Variants in ERBB4 observed in about 807,000 individuals in gnomAD.
The protein encoded by ERBB4 is erb-b2 receptor tyrosine kinase 4.
A neutral mutation model predicts 158.0 loss-of-function variants in ERBB4; 42 were observed. That is an observed-to-expected ratio of 0.27 (90% confidence interval 0.21 to 0.34). ERBB4 has a LOEUF of 0.34. ERBB4 is among the 10% of genes least tolerant of loss of function. The pLI is 1.00. For missense variants in ERBB4, 1,333 were observed against 1,624.1 expected (o/e 0.82, Z 3.08); for synonymous variants, 583 against 558.7 (o/e 1.04, Z -0.61).
At chr2:211,680,535 G>T (rs2072290935) in intron 12 of ERBB4, among the ~76,000 whole-genome samples, 1 of 152,152 alleles carries the variant, frequency 6.6e-6, no homozygotes, top group African/African-American at 2.4e-5. Flanking sequence ...GGTTGGGATG[G>T]CACTGAATAT....
At chr2:211,617,876 T>G (rs1219527473) in intron 19 of ERBB4, among the ~76,000 whole-genome samples, 10 of 152,090 alleles carry the variant, frequency 6.6e-5, no homozygotes, top group Admixed American at 6.6e-4. Context: ...CAAGACATTA[T>G]GCTAAAAGAT....
chr2:212,491,594 T>C (rs1690281944), intron 1 of ERBB4, among the ~76,000 whole-genome samples: 1 of 151,614 alleles, frequency 6.6e-6, no homozygotes, highest in African/African-American at 2.4e-5. Context: ...AACATTTAAA[T>C]TTCTCTACAG....
At chr2:212,072,834 T>G (rs2078163529) in intron 2 of ERBB4, among the ~76,000 whole-genome samples, 1 of 151,940 alleles carries the variant, frequency 6.6e-6, no homozygotes, top group Admixed American at 6.6e-5. Context: ...TTGAGATTAT[T>G]AGGAGAAATG....
intron 1 of ERBB4, among the ~76,000 whole-genome samples, chr2:212,510,176 C>G (rs1257107229): frequency 7.2e-6 from 1 of 139,330 alleles, no homozygotes; most frequent in Non-Finnish European, 1.5e-5. Flanking sequence ...ATATAAAAGC[C>G]TAAAAACACC....
intron 1 of ERBB4, among the ~76,000 whole-genome samples, chr2:212,133,505 C>T (rs1003921693): frequency 6.6e-6 from 1 of 150,756 alleles, no homozygotes; most frequent in African/African-American, 2.4e-5. Flanking sequence ...AGAATGCAAG[C>T]CTCATAAGAG....
At chr2:211,476,172 CAG>C (rs1347152044) in intron 20 of ERBB4, among the ~76,000 whole-genome samples, 1 of 151,942 alleles carries the variant, frequency 6.6e-6, no homozygotes, top group African/African-American at 2.4e-5. Flanking sequence ...CATTTTAAGA[CAG>C]AGGGGAAAAC....
In ERBB4 at chr2:211,549,742, A is replaced by G. The variant is rs1423410063; in HGVS notation, c.2487+12161T>C. Reference sequence around the variant, plus strand: ...TGTGTCAAATAAAATAGAGAGGAAGACAATTATTTGGAAGCTAGATAATTG... The same window carrying G: ...TGTGTCAAATAAAATAGAGAGGAAGGCAATTATTTGGAAGCTAGATAATTG... On this transcript the variant is annotated intron_variant, in intron 20 of 27. Coordinates refer to ENST00000342788, the MANE Select transcript of ERBB4 (RefSeq NM_005235.3). Among the ~76,000 whole-genome samples, 4 of 152,170 alleles carry G rather than the reference A, an allele frequency of 2.6e-5. No individual in the cohort carries two copies. The East Asian group carries it at 5.8e-4, about 22-fold the overall frequency.
At chr2:212,271,038 G>A (rs933363071) in intron 1 of ERBB4, among the ~76,000 whole-genome samples, 1 of 151,746 alleles carries the variant, frequency 6.6e-6, no homozygotes, top group Non-Finnish European at 1.5e-5. Flanking sequence ...CTGCTATGTA[G>A]TAATTGATAA....
chr2:211,390,085 A>T lies in ERBB4; in HGVS notation c.3136-2093T>A, dbSNP rs1266478412. Among the ~76,000 whole-genome samples the T allele has an allele frequency of 4.6e-5, 7 of 152,328 alleles. No homozygotes were observed. In the East Asian group the frequency reaches 1.4e-3, roughly 29 times the overall value. ...TTTTTATACTCCAGTGATTTGTAAT[A>T]TAGAGTGATAGTACAGGAAATATGG... On this transcript the variant is annotated intron_variant, in intron 25 of 27. Transcript: ENST00000342788.
chr2:212,340,860 G>A (rs1161138113), intron 1 of ERBB4, among the ~76,000 whole-genome samples: 1 of 152,062 alleles, frequency 6.6e-6, no homozygotes, highest in Non-Finnish European at 1.5e-5. Flanking sequence ...TTGTCTATTC[G>A]ATGCTACTAG....
intron 2 of ERBB4, among the ~76,000 whole-genome samples, chr2:212,077,305 A>G (rs1455917826): frequency 6.6e-6 from 1 of 151,964 alleles, no homozygotes; most frequent in Non-Finnish European, 1.5e-5. Flanking sequence ...AGACTTATAC[A>G]CCGTAAGATA....
intron 1 of ERBB4, among the ~76,000 whole-genome samples, chr2:212,303,959 TA>T (rs1026104949): frequency 6.6e-5 from 10 of 151,586 alleles, no homozygotes; most frequent in African/African-American, 2.4e-4. Flanking sequence ...AAAAAATAGA[TA>T]ACTTTCCTAA....
chr2:212,518,286 T>G (rs889967672), intron 1 of ERBB4, among the ~76,000 whole-genome samples: 19 of 152,168 alleles, frequency 1.2e-4, no homozygotes, highest in Middle Eastern at 3.4e-3. Context: ...ATAATTCTAA[T>G]AATTGTCTCT....
intron 20 of ERBB4, among the ~76,000 whole-genome samples, chr2:211,543,587 AT>A (rs565078485): frequency 1.3e-5 from 2 of 151,680 alleles, no homozygotes; most frequent in Non-Finnish European, 2.9e-5. Context: ...CTTTTGTGGC[AT>A]TTTTTTTAAA....
intron 2 of ERBB4, among the ~76,000 whole-genome samples, chr2:212,105,374 T>G (rs538279790): frequency 6.6e-6 from 1 of 152,200 alleles, no homozygotes; most frequent in African/African-American, 2.4e-5. Flanking sequence ...CTTTTCCTTA[T>G]GATTATATAA....
At chr2:212,393,512 A>T (rs2090939531) in intron 1 of ERBB4, among the ~76,000 whole-genome samples, 1 of 152,066 alleles carries the variant, frequency 6.6e-6, no homozygotes, top group Non-Finnish European at 1.5e-5. Context: ...GCTACACACA[A>T]TCAGACACTC....
At position 211,415,847 on chromosome 2, in the gene ERBB4, A is replaced by G. The variant is rs79224814; in HGVS notation, c.3135+4594T>C. On this transcript the variant is annotated intron_variant, in intron 25 of 27. Transcript: ENST00000342788. ...ACATTTTATTTTTCAGTTTATTTAT[A>G]TATCTATTCTGGGAGAAAGCGTGTA... Among the ~76,000 whole-genome samples the G allele has an allele frequency of 9.4e-3, 1,427 of 152,298 alleles. 14 individuals are homozygous for G. The highest frequency in any genetic ancestry group is 0.025 in the African/African-American group (1,028 of 41,574).
At chr2:211,478,639 T>C (rs905668237) in intron 20 of ERBB4, among the ~76,000 whole-genome samples, 2 of 151,876 alleles carry the variant, frequency 1.3e-5, no homozygotes, top group African/African-American at 4.9e-5. Flanking sequence ...AAACACCACT[T>C]GAATCTACTC....
intron 16 of ERBB4, among the ~76,000 whole-genome samples, chr2:211,641,809 T>C (rs1241805960): frequency 6.6e-6 from 1 of 152,082 alleles, no homozygotes; most frequent in Non-Finnish European, 1.5e-5. Flanking sequence ...TTGTTTTTAG[T>C]ACTTATGTGT....
Sources: gnomAD v4.1 joint callset for allele counts (sites outside exome capture counted in the v4.1 genomes callset) on GRCh38, gnomAD v4.1.1 for gene constraint, MANE v1.5 for transcripts, NCBI Gene and HGNC (gene_info 2026-07-23, HGNC 2026-07-21) for gene names.